The following CEP128 variants were observed in gnomAD, a reference collection of about 807,000 sequenced individuals.
CEP128 encodes centrosomal protein 128.
CEP128 carries 132 observed loss-of-function variants against 156.7 expected under a neutral mutation model. That is an observed-to-expected ratio of 0.84 (90% CI 0.73 to 0.97). The LOEUF (loss-of-function observed/expected upper bound fraction) is 0.97, where lower values mean the gene tolerates loss of function less well. Ranked by LOEUF, CEP128 falls within the 50% of genes least tolerant of loss-of-function variation. CEP128 has a pLI of 0.00. For missense variants in CEP128, 1,252 were observed against 1,281.9 expected (o/e 0.98, Z 0.36); for synonymous variants, 469 against 448.9 (o/e 1.04, Z -0.57).
intron 19 of CEP128, among the ~76,000 whole-genome samples, chr14:80,668,495 G>A (rs1429214153): frequency 6.6e-6 from 1 of 152,066 alleles, no homozygotes; most frequent in East Asian, 1.9e-4. Context: ...GATTCATTTT[G>A]AATATAGAAC....
At chr14:80,887,068 GA>G (rs1888842630) in intron 8 of CEP128, among the ~76,000 whole-genome samples, 1 of 152,166 alleles carries the variant, frequency 6.6e-6, no homozygotes, top group Non-Finnish European at 1.5e-5. Context: ...AATGCAACAA[GA>G]AGAGCTAACT....
intron 20 of CEP128, among the ~76,000 whole-genome samples, chr14:80,572,927 T>C (rs1463468900): frequency 1.3e-5 from 2 of 152,224 alleles, no homozygotes; most frequent in East Asian, 3.9e-4. Context: ...TCACTGTTTT[T>C]TGTTTTTTGT....
chr14:80,561,562 A>T (rs1221877956), intron 20 of CEP128, among the ~76,000 whole-genome samples: 1 of 152,168 alleles, frequency 6.6e-6, no homozygotes, highest in East Asian at 1.9e-4. Flanking sequence ...CCATCTTGGA[A>T]GACTGAAAAT....
chr14:80,723,970 C>G lies in CEP128; in HGVS notation c.2806+19105G>C, dbSNP rs886806953. Among the ~76,000 whole-genome samples, 13 of 152,194 alleles carry G rather than the reference C, an allele frequency of 8.5e-5. No individual in the cohort carries two copies. In the East Asian group the frequency reaches 2.3e-3, roughly 27 times the overall value. ...ATCATCCATCATCATAAAACAGAAC[C>G]CAGAGGGGTTGAAGTTAGCTTGTAG... is the stretch of plus-strand genomic sequence containing the variant. On this transcript the variant is annotated intron_variant, in intron 19 of 24. Transcript: ENST00000555265.
intron 8 of CEP128, among the ~76,000 whole-genome samples, chr14:80,873,495 T>G (rs1022112299): frequency 6.6e-6 from 1 of 152,226 alleles, no homozygotes; most frequent in Non-Finnish European, 1.5e-5. Context: ...ATAAATGTAA[T>G]GTGCACTATG....
At chr14:80,806,016 C>G (rs1884155168) in intron 13 of CEP128, among the ~76,000 whole-genome samples, 1 of 152,152 alleles carries the variant, frequency 6.6e-6, no homozygotes. Context: ...AATAAAACAT[C>G]AGGGGCCATG....
At position 80,496,777 on chromosome 14, in the gene CEP128, A is replaced by G. The variant is rs1210456619; in HGVS notation, c.*702T>C. 2 of 152,200 alleles carry G rather than the reference A, an allele frequency of 1.3e-5. No homozygotes were observed. Among genetic ancestry groups the G allele is most frequent in the African/African-American group, 2.4e-5 (1 of 41,462 alleles). 9.4% of individuals were successfully genotyped at this position (152,200 alleles called of 1,614,324 possible). A position where few individuals can be genotyped will look rare whatever the true frequency, so the allele number is the denominator to read the frequency against. ...GGTCCAGGATATGACTGAAGTGATC[A>G]CAGTAGGATATTTGGCCACAAAAAG... On this transcript the variant is annotated 3_prime_UTR_variant, in exon 25 of 25. Coordinates refer to ENST00000555265, the MANE Select transcript of CEP128 (RefSeq NM_152446.5).
At chr14:80,487,501 G>T (rs1887193705), downstream of CEP128, among the ~76,000 whole-genome samples, 1 of 152,120 alleles carries the variant, frequency 6.6e-6, no homozygotes, top group African/African-American at 2.4e-5. Context: ...CCCAGGAATT[G>T]AACTCAGCTC....
chr14:80,695,136 T>C (rs1896848147), intron 19 of CEP128, among the ~76,000 whole-genome samples: 1 of 151,778 alleles, frequency 6.6e-6, no homozygotes, highest in Non-Finnish European at 1.5e-5. Flanking sequence ...TTTGCAGGGA[T>C]TGCATTTGTG....
intron 19 of CEP128, among the ~76,000 whole-genome samples, chr14:80,707,168 T>C (rs1167356033): frequency 6.6e-6 from 1 of 152,218 alleles, no homozygotes; most frequent in Non-Finnish European, 1.5e-5. Flanking sequence ...ATTCTAGACA[T>C]TGTCTGTTAT....
intron 2 of CEP128, among the ~76,000 whole-genome samples, chr14:80,932,880 T>C (rs895029672): frequency 6.6e-6 from 1 of 151,524 alleles, no homozygotes; most frequent in Non-Finnish European, 1.5e-5. Flanking sequence ...CCTAAAGCTA[T>C]TGAAACCAAA....
intron 19 of CEP128, among the ~76,000 whole-genome samples, chr14:80,676,024 A>G (rs1442420382): frequency 6.6e-6 from 1 of 152,006 alleles, no homozygotes; most frequent in Non-Finnish European, 1.5e-5. Context: ...GAATTTCTCT[A>G]GGCTACTTGT....
intron 19 of CEP128, among the ~76,000 whole-genome samples, chr14:80,582,050 C>A (rs955510063): frequency 2.6e-5 from 4 of 152,230 alleles, no homozygotes; most frequent in Non-Finnish European, 4.4e-5. Context: ...TGAATAGGCC[C>A]AGGCCAACCT....
intron 18 of CEP128, among the ~76,000 whole-genome samples, chr14:80,746,476 A>G (rs1439738257): frequency 6.6e-6 from 1 of 152,196 alleles, no homozygotes; most frequent in African/African-American, 2.4e-5. Flanking sequence ...ATCCAAAACA[A>G]TTTCATAGAG....
Position 80,647,009 on chromosome 14 carries a change from A to ATGTG in CEP128, c.2807-66587_2807-66586insCACA, listed in dbSNP as rs1894662946. 3.3e-5 allele frequency among the ~76,000 whole-genome samples: 4 copies of ATGTG among 121,652 alleles called. No individual in the cohort carries two copies. The East Asian group carries it at 1.1e-3, about 34-fold the overall frequency. 79.8% of individuals were successfully genotyped at this position (121,652 alleles called of 152,430 possible). ...ATTTATAAGAAATATATATATATAT[A>ATGTG]TATGTGTGTGTATATATATGTGTGC... On this transcript the variant is annotated intron_variant, in intron 19 of 24. Coordinates refer to ENST00000555265, the MANE Select transcript of CEP128 (RefSeq NM_152446.5).
chr14:80,717,606 T>C (rs1404606224), intron 19 of CEP128, among the ~76,000 whole-genome samples: 2 of 152,180 alleles, frequency 1.3e-5, no homozygotes, highest in African/African-American at 4.8e-5. Context: ...ATTGTTAAGG[T>C]GCAAAGGTTA....
At chr14:80,918,511 G>A (rs1294264645) in intron 2 of CEP128, among the ~76,000 whole-genome samples, 3 of 152,178 alleles carry the variant, frequency 2.0e-5, no homozygotes, top group African/African-American at 4.8e-5. Flanking sequence ...CATAGAGGAT[G>A]CTACTGCTAA....
chr14:80,806,841 G>C (rs1302444225), intron 13 of CEP128, among the ~76,000 whole-genome samples: 1 of 152,084 alleles, frequency 6.6e-6, no homozygotes, highest in African/African-American at 2.4e-5. Flanking sequence ...CAAATATTGA[G>C]GGAGAGAAAC....
chr14:80,553,304 A>C (rs1015235427), intron 21 of CEP128, among the ~76,000 whole-genome samples: 20 of 152,038 alleles, frequency 1.3e-4, no homozygotes, highest in Admixed American at 1.3e-3. Flanking sequence ...ATGTGTTCTC[A>C]TGTTCAACTC....
Sources: gnomAD v4.1 joint callset for allele counts (sites outside exome capture counted in the v4.1 genomes callset) on GRCh38, gnomAD v4.1.1 for gene constraint, MANE v1.5 for transcripts, NCBI Gene and HGNC (gene_info 2026-07-23, HGNC 2026-07-21) for gene names.